The following POP1 variants were observed in gnomAD, a reference collection of about 807,000 sequenced individuals.
POP1 encodes the protein ribonucleases P/MRP protein subunit POP1.
A neutral mutation model predicts 102.2 loss-of-function variants in POP1; 75 were observed. The observed-to-expected ratio is 0.73, with a 90% CI of 0.61 to 0.89. The LOEUF is 0.89. Among genes scored for constraint, POP1 ranks in the 40% least tolerant of loss-of-function variants. The probability of loss-of-function intolerance (pLI) is 0.00; values close to 1 mark genes in which losing one functional copy is unlikely to be tolerated. For missense variants in POP1, 1,116 were observed against 1,267.4 expected (o/e 0.88, Z 1.81); for synonymous variants, 436 against 464.1 (o/e 0.94, Z 0.78).
intron 14 of POP1, among the ~76,000 whole-genome samples, chr8:98,152,298 C>T (rs1432681799): frequency 1.3e-5 from 2 of 152,272 alleles, no homozygotes; most frequent in Admixed American, 6.5e-5. Context: ...GTATTACATA[C>T]ATTATTTTGA....
chr8:98,128,225 C>T, intron 3 of POP1, 140 bp from the exon 4 acceptor site: 2 of 782,488 alleles, frequency 2.6e-6, no homozygotes, highest in Non-Finnish European at 2.2e-6. Context: ...GTACCTTGTA[C>T]CTATACCTTA....
At chr8:98,126,417 A>G (rs1322373241) in intron 2 of POP1, among the ~76,000 whole-genome samples, 1 of 152,188 alleles carries the variant, frequency 6.6e-6, no homozygotes, top group African/African-American at 2.4e-5. Context: ...CACAGTCAGA[A>G]TGAAGGCATA....
intron 11 of POP1, among the ~76,000 whole-genome samples, chr8:98,144,532 C>G (rs991078195): frequency 6.6e-6 from 1 of 152,186 alleles, no homozygotes; most frequent in African/African-American, 2.4e-5. Context: ...ATCTCAGCCT[C>G]CCAAAGTGCT....
At position 98,157,808 on chromosome 8, in the gene POP1, C is replaced by T. The variant is rs749460848; in HGVS notation, c.2612C>T (p.Pro871Leu). The change falls in exon 16 of 16, where the codon CCT becomes CTT. Residue 871 changes from proline (P) to leucine (L), a missense_variant. Physicochemically the swap from Pro to Leu is moderately conservative, Grantham distance 98. Transcript: ENST00000401707. ...LSLLSKGSPE[P>L]HTMICVPAKE... ...CTGCTCAGCAAGGGCAGCCCCGAGC[C>T]TCACACCATGATCTGTGTCCCAGCC... 4.3e-6 allele frequency: 7 copies of T among 1,614,106 alleles called. No individual in the cohort carries two copies. The highest frequency in any genetic ancestry group is 5.1e-6 in the Non-Finnish European group (6 of 1,180,058).
intron 15 of POP1, among the ~76,000 whole-genome samples, 194 bp downstream of exon 15, chr8:98,156,606 A>G (rs1442413592): frequency 6.6e-6 from 1 of 152,234 alleles, no homozygotes; most frequent in Non-Finnish European, 1.5e-5. Context: ...GATGTAAGGC[A>G]TGATGCTAAT....
chr8:98,153,431 C>A (rs1394134352), intron 14 of POP1, among the ~76,000 whole-genome samples: 1 of 150,988 alleles, frequency 6.6e-6, no homozygotes, highest in African/African-American at 2.4e-5. Flanking sequence ...GGATTGAGTT[C>A]AGTTCTTCTG....
At chr8:98,125,185 T>G (rs1212401445) in intron 2 of POP1, among the ~76,000 whole-genome samples, 3 of 145,774 alleles carry the variant, frequency 2.1e-5, no homozygotes, top group Non-Finnish European at 4.5e-5. Flanking sequence ...GACAGTTTTT[T>G]TTTTTTTTTT....
Position 98,136,463 on chromosome 8 carries a change from T to A in POP1, c.1012-19T>A, listed in dbSNP as rs963518222. Reference sequence around the variant, plus strand: ...TTAAATTTCAAGATTTTAAAGTGAATGTTTAAATATATTTTTAGGATATCT... The same window carrying A: ...TTAAATTTCAAGATTTTAAAGTGAAAGTTTAAATATATTTTTAGGATATCT... On this transcript the variant is annotated intron_variant, in intron 7 of 15. Coordinates refer to ENST00000401707, the MANE Select transcript of POP1 (RefSeq NM_001145860.2). 6.3e-7 allele frequency: 1 copy of A among 1,589,704 alleles called. No individual in the cohort carries two copies. The highest frequency in any genetic ancestry group is 8.6e-7 in the Non-Finnish European group (1 of 1,168,660).
chr8:98,125,160 C>G (rs185480866), intron 2 of POP1, among the ~76,000 whole-genome samples: 112 of 150,534 alleles, frequency 7.4e-4, no homozygotes, highest in Middle Eastern at 3.5e-3. Context: ...CTACTGATCT[C>G]TCCCTTAATT....
Position 98,140,683 on chromosome 8 carries a change from A to G in POP1, c.1475-86A>G, listed in dbSNP as rs1816675294. 13 of 1,414,284 alleles carry G rather than the reference A, an allele frequency of 9.2e-6. No individual in the cohort carries two copies. In the Middle Eastern group the frequency reaches 5.3e-4, roughly 58 times the overall value. The allele number at this position is 1,414,284 out of a possible 1,614,324, so 87.6% of individuals were successfully genotyped here. A position where few individuals can be genotyped will look rare whatever the true frequency, so the allele number is the denominator to read the frequency against. ...ATTAGTCCAAGAAAAACGTTTCATT[A>G]GGAAATCTGAAAGATTTAAAAATAC... On this transcript the variant is annotated intron_variant, in intron 10 of 15. Transcript: ENST00000401707.
rs554577731 is a variant in POP1, at chr8:98,136,527, A to G, written c.1057A>G (p.Ile353Val). The change falls in exon 8 of 16, where the codon ATC becomes GTC. Residue 353 changes from isoleucine (I) to valine (V), a missense_variant. Coordinates refer to ENST00000401707, the MANE Select transcript of POP1 (RefSeq NM_001145860.2). ...IKAACQCVEP[I>V]KSAVCIADPL... is the part of the protein sequence containing the mutation. ...AGCAGCGTGCCAGTGTGTGGAACCC[A>G]TCAAATCAGCTGTCTGCATCGCTGA... is the stretch of plus-strand genomic sequence containing the variant. The G allele has an allele frequency of 1.2e-6, 2 of 1,614,150 alleles. No individual in the cohort carries two copies. Among genetic ancestry groups the G allele is most frequent in the Admixed American group, 1.7e-5 (1 of 60,026 alleles).
intron 1 of POP1, among the ~76,000 whole-genome samples, chr8:98,122,455 C>T (rs923311951): frequency 2.4e-4 from 36 of 152,110 alleles, no homozygotes; most frequent in African/African-American, 8.7e-4. Context: ...CCTAGTGTGT[C>T]CATGTATAGG....
intron 15 of POP1, among the ~76,000 whole-genome samples, chr8:98,156,793 T>C (rs1809660648): frequency 6.6e-6 from 1 of 152,132 alleles, no homozygotes; most frequent in Admixed American, 6.6e-5. Context: ...TTAGATGTAA[T>C]ATAGTCCTAG....
chr8:98,126,915 TC>T (rs1816222251), intron 2 of POP1, among the ~76,000 whole-genome samples: 2 of 152,184 alleles, frequency 1.3e-5, no homozygotes, highest in African/African-American at 4.8e-5. Context: ...TTGATACACT[TC>T]TGGTCCCAGT....
chr8:98,120,197 G>A (rs1008832611), intron 1 of POP1, among the ~76,000 whole-genome samples: 1 of 152,184 alleles, frequency 6.6e-6, no homozygotes, highest in Admixed American at 6.5e-5. Context: ...TCTGAATCAT[G>A]TGCTTCACTA....
chr8:98,153,084 C>A (rs1208363921), intron 14 of POP1, among the ~76,000 whole-genome samples: 4 of 152,218 alleles, frequency 2.6e-5, no homozygotes, highest in African/African-American at 9.6e-5. Flanking sequence ...ATCCTCCCAT[C>A]TCAGCTTCCT....
intron 7 of POP1, 37 bp downstream of exon 7, chr8:98,134,696 C>G: frequency 6.4e-7 from 1 of 1,558,032 alleles, no homozygotes; most frequent in South Asian, 1.1e-5. Context: ...CATTCTGAAA[C>G]TGCATTTTTA....
rs1251153840 is a variant in POP1 at position 98,128,561 on chromosome 8, A to G, written c.486+21A>G. Reference sequence around the variant, plus strand: ...AAGAGGTAGGAGTTCCACTTAGTGTAAATGTTTAGATTAGTAGCTCCTAGA... The same window carrying G: ...AAGAGGTAGGAGTTCCACTTAGTGTGAATGTTTAGATTAGTAGCTCCTAGA... On this transcript the variant is annotated intron_variant, in intron 4 of 15. Transcript: ENST00000401707. 3 of 1,611,404 alleles carry G rather than the reference A, an allele frequency of 1.9e-6. No individual in the cohort carries two copies. In the Admixed American group the frequency reaches 5.0e-5, roughly 27 times the overall value.
intron 6 of POP1, 77 bp downstream of exon 6, chr8:98,134,113 G>A: frequency 6.3e-6 from 7 of 1,117,962 alleles, no homozygotes; most frequent in Non-Finnish European, 9.6e-6. Flanking sequence ...TCTACTGTAA[G>A]CATTTTGGAA....
Sources: gnomAD v4.1 joint callset for allele counts (sites outside exome capture counted in the v4.1 genomes callset) on GRCh38, gnomAD v4.1.1 for gene constraint, MANE v1.5 for transcripts, NCBI Gene and HGNC (gene_info 2026-07-23, HGNC 2026-07-21) for gene names.